Variants in ACTN2 observed in about 807,000 individuals in gnomAD.
ACTN2 encodes alpha-actinin-2.
In ACTN2, 39 loss-of-function variants were observed where a neutral mutation model predicts 113.8. The ratio of observed to expected loss-of-function variants is 0.34; its 90% CI spans 0.27 to 0.45. ACTN2 has a LOEUF of 0.45. Ranked by LOEUF, ACTN2 falls within the 20% of genes least tolerant of loss-of-function variation. The pLI is 1.00. For missense variants in ACTN2, 992 were observed against 1,177.9 expected, an observed-to-expected ratio of 0.84 and a Z score of 2.31; for synonymous variants, 429 against 444.1, an observed-to-expected ratio of 0.97 and a Z score of 0.43.
chr1:236,692,822 CT>C, intron 1 of ACTN2, among the ~76,000 whole-genome samples: 1 of 152,186 alleles, frequency 6.6e-6, no homozygotes, highest in South Asian at 2.1e-4. Flanking sequence ...GAATATAACT[CT>C]TAGCAGGGAA....
rs1659324000 is a variant in ACTN2, at chr1:236,749,213, T to C, written c.1605T>C (p.Ala535=). 1 of 1,614,174 alleles carries C rather than the reference T, an allele frequency of 6.2e-7. No homozygotes were observed. Among genetic ancestry groups the C allele is most frequent in the Non-Finnish European group, 8.5e-7 (1 of 1,180,030 alleles). The change falls in exon 14 of 21, where the codon GCT becomes GCC. Residue 535 remains alanine, a synonymous_variant. Coordinates refer to ENST00000366578, the MANE Select transcript of ACTN2 (RefSeq NM_001103.4). ...AAPFNNWMEG[A]MEDLQDMFIV... ...CTTTCAACAATTGGATGGAGGGCGCTATGGAGGATCTGCAAGATATGTTCA... is the reference window on the plus strand; with the variant it reads ...CTTTCAACAATTGGATGGAGGGCGCCATGGAGGATCTGCAAGATATGTTCA...
At chr1:236,718,452 A>G (rs1261204550) in intron 2 of ACTN2, among the ~76,000 whole-genome samples, 1 of 152,210 alleles carries the variant, frequency 6.6e-6, no homozygotes, top group Non-Finnish European at 1.5e-5. Flanking sequence ...TGTGACTGGG[A>G]AGGATTATGG....
At chr1:236,689,909 A>G (rs978315674) in intron 1 of ACTN2, among the ~76,000 whole-genome samples, 1 of 152,236 alleles carries the variant, frequency 6.6e-6, no homozygotes, top group African/African-American at 2.4e-5. Context: ...TATGTTTGCT[A>G]TCTTCACAAG....
rs1017213924 is a variant in ACTN2 at position 236,705,207 on chromosome 1, A to T, written c.127-12651A>T. ...ATAAATATATACCTGTGTGTGTATA[A>T]ATATATATATATAAAAAATATCACA... is the stretch of plus-strand genomic sequence containing the variant. On this transcript the variant is annotated intron_variant, in intron 1 of 20. Coordinates refer to ENST00000366578, the MANE Select transcript of ACTN2 (RefSeq NM_001103.4). Among the ~76,000 whole-genome samples the T allele has an allele frequency of 5.3e-3, 786 of 147,218 alleles. 8 individuals carry two copies. Among genetic ancestry groups the T allele is most frequent in the African/African-American group, 0.02 (754 of 37,302 alleles).
At chr1:236,701,387 C>A (rs1233511847) in intron 1 of ACTN2, among the ~76,000 whole-genome samples, 1 of 151,770 alleles carries the variant, frequency 6.6e-6, no homozygotes, top group African/African-American at 2.4e-5. Context: ...GTATATATAT[C>A]TCATATATAG....
chr1:236,692,340 AC>A (rs1177302039), intron 1 of ACTN2, among the ~76,000 whole-genome samples: 1 of 152,244 alleles, frequency 6.6e-6, no homozygotes. Flanking sequence ...TTGACAAGCA[AC>A]AACCAAACTA....
At chr1:236,704,341 A>G (rs1414124219) in intron 1 of ACTN2, among the ~76,000 whole-genome samples, 1 of 152,060 alleles carries the variant, frequency 6.6e-6, no homozygotes, top group Non-Finnish European at 1.5e-5. Context: ...GTCTCCTCCC[A>G]CTTTCCGCCA....
At chr1:236,728,652 A>T (rs868748490) in intron 6 of ACTN2, among the ~76,000 whole-genome samples, 61 of 152,246 alleles carry the variant, frequency 4.0e-4, no homozygotes, top group African/African-American at 1.4e-3. Context: ...CAGAAAATTT[A>T]ACTTAGAAAA....
intron 1 of ACTN2, among the ~76,000 whole-genome samples, chr1:236,700,912 G>A (rs951214205): frequency 2.8e-4 from 43 of 152,140 alleles, no homozygotes; most frequent in Non-Finnish European, 5.9e-4. Context: ...AGTGCTGGGG[G>A]GCCTTTCATT....
chr1:236,719,205 AG>A (rs1401926562), intron 3 of ACTN2, among the ~76,000 whole-genome samples, 192 bp downstream of exon 3: 1 of 152,228 alleles, frequency 6.6e-6, no homozygotes, highest in Non-Finnish European at 1.5e-5. Flanking sequence ...ACCAAGCTCT[AG>A]GTTCTTTGTA....
chr1:236,722,221 A>G (rs532186782), intron 4 of ACTN2, among the ~76,000 whole-genome samples: 1 of 152,278 alleles, frequency 6.6e-6, no homozygotes, highest in Non-Finnish European at 1.5e-5. Flanking sequence ...CAGAAAAATC[A>G]TCTTTATTTG....
In ACTN2 at chr1:236,744,774, C is replaced by G; in HGVS notation, c.1404C>G (p.Leu468=). ...AGATCGCAGCCATCGCGCAGGAGCT[C>G]AAGTATGTGCAGATGCCCTCCGTCC... ...VEQIAAIAQE[L]NELDYHDAVN... is the part of the protein sequence containing the mutation. Residue 468 remains leucine (L), a splice_region_variant and synonymous_variant, in exon 12 of 21, where the codon CTC becomes CTG. Transcript: ENST00000366578. 6.2e-7 allele frequency: 1 copy of G among 1,614,072 alleles called. No individual in the cohort carries two copies. The highest frequency in any genetic ancestry group is 1.3e-5 in the African/African-American group (1 of 75,062).
At chr1:236,737,644 A>C (rs577621864) in intron 9 of ACTN2, among the ~76,000 whole-genome samples, 5 of 151,908 alleles carry the variant, frequency 3.3e-5, no homozygotes, top group Admixed American at 6.5e-5. Context: ...TGTCAAAGGA[A>C]CTGGCCCAGC....
At chr1:236,693,177 GCACACACACACACA>G (rs35891713) in intron 1 of ACTN2, among the ~76,000 whole-genome samples, 3,189 of 149,136 alleles carry the variant, frequency 0.021, 56 homozygotes, top group Non-Finnish European at 0.033. Flanking sequence ...CTGCACACAT[GCACACACACACACA>G]CACACACACA....
At chr1:236,737,298 CAT>C (rs67318171) in intron 9 of ACTN2, 84 bp downstream of exon 9, 14,999 of 336,546 alleles carry the variant, frequency 0.045, 38 homozygotes, top group East Asian at 0.084. Flanking sequence ...TCCGTGGGGG[CAT>C]ATATATATAT....
At chr1:236,691,276 G>A (rs556456010) in intron 1 of ACTN2, among the ~76,000 whole-genome samples, 106 of 151,838 alleles carry the variant, frequency 7.0e-4, no homozygotes, top group Middle Eastern at 3.4e-3. Context: ...TTATATACTG[G>A]AACACTTGGA....
At chr1:236,751,367 T>C in intron 14 of ACTN2, 103 bp from the exon 15 acceptor site, 4 of 1,376,134 alleles carry the variant, frequency 2.9e-6, no homozygotes, top group Non-Finnish European at 4.0e-6. Flanking sequence ...CAGAGACTCT[T>C]GCAATCATCA....
chr1:236,739,604 G>C, intron 10 of ACTN2, 72 bp downstream of exon 10: 1 of 1,544,468 alleles, frequency 6.5e-7, no homozygotes, highest in South Asian at 1.1e-5. Flanking sequence ...GTTTGACCTG[G>C]GTCAGGAGGA....
chr1:236,744,600 A>G lies in ACTN2; in HGVS notation c.1256-26A>G, dbSNP rs781089619. 1.9e-5 allele frequency: 31 copies of G among 1,613,672 alleles called. No homozygotes were observed. In the South Asian group the frequency reaches 3.2e-4, roughly 17 times the overall value. ...AAGCCGCTGTGCCCTCAGCATATTC[A>G]TACTTTCTTGCTACCACCTTTGCAG... On this transcript the variant is annotated intron_variant, in intron 11 of 20. Coordinates refer to ENST00000366578, the MANE Select transcript of ACTN2 (RefSeq NM_001103.4).
Sources: gnomAD v4.1 joint callset for allele counts (sites outside exome capture counted in the v4.1 genomes callset) on GRCh38, gnomAD v4.1.1 for gene constraint, MANE v1.5 for transcripts, NCBI Gene and HGNC (gene_info 2026-07-23, HGNC 2026-07-21) for gene names.